PCCA: variants seen among roughly 807,000 people sequenced by gnomAD.
The protein encoded by PCCA is propionyl-CoA carboxylase subunit alpha, also known as propionyl-CoA carboxylase alpha chain, mitochondrial.
PCCA carries 74 observed loss-of-function variants against 101.3 expected under a neutral mutation model. That is an observed-to-expected ratio of 0.73 (90% CI 0.61 to 0.89). PCCA has a LOEUF of 0.89. Ranked by LOEUF, PCCA falls within the 40% of genes least tolerant of loss-of-function variation. The probability of loss-of-function intolerance (pLI) is 0.00; values close to 1 mark genes in which losing one functional copy is unlikely to be tolerated. For synonymous variants in PCCA, 294 were observed against 313.6 expected (o/e 0.94, Z 0.66); for missense variants, 891 against 907.0 (o/e 0.98, Z 0.23).
intron 4 of PCCA, among the ~76,000 whole-genome samples, chr13:100,122,449 C>T (rs1226597204): frequency 6.6e-6 from 1 of 152,080 alleles, no homozygotes; most frequent in Non-Finnish European, 1.5e-5. Flanking sequence ...CCAGTGAAGC[C>T]ATCTGAATCT....
intron 19 of PCCA, among the ~76,000 whole-genome samples, chr13:100,421,128 AC>A: frequency 6.6e-6 from 1 of 152,004 alleles, no homozygotes; most frequent in East Asian, 1.9e-4. Context: ...AATCGCTTGA[AC>A]CCGGGAGGTG....
chr13:100,280,665 G>A (rs541426301), intron 12 of PCCA, among the ~76,000 whole-genome samples: 2 of 152,168 alleles, frequency 1.3e-5, no homozygotes, highest in African/African-American at 4.8e-5. Context: ...GTGTATTCTA[G>A]TAGTCCCCCT....
intron 19 of PCCA, among the ~76,000 whole-genome samples, chr13:100,409,027 C>A: frequency 6.6e-6 from 1 of 152,140 alleles, no homozygotes; most frequent in East Asian, 1.9e-4. Context: ...TCCAGTGGCT[C>A]GTGGCAGAAA....
At chr13:100,255,472 G>A (rs2062017018) in intron 8 of PCCA, among the ~76,000 whole-genome samples, 1 of 152,126 alleles carries the variant, frequency 6.6e-6, no homozygotes, top group Non-Finnish European at 1.5e-5. Context: ...TTTCCTAATC[G>A]TCAGAGGGAA....
intron 19 of PCCA, among the ~76,000 whole-genome samples, chr13:100,416,458 A>T (rs2078368349): frequency 6.6e-6 from 1 of 151,962 alleles, no homozygotes; most frequent in Non-Finnish European, 1.5e-5. Flanking sequence ...CTGGGATTAG[A>T]GGCGTGAGCC....
At chr13:100,104,237 T>C (rs568228002) in intron 2 of PCCA, among the ~76,000 whole-genome samples, 35 of 152,318 alleles carry the variant, frequency 2.3e-4, no homozygotes, top group Non-Finnish European at 4.9e-4. Flanking sequence ...AATACTGCTT[T>C]CCAGATTCTT....
intron 20 of PCCA, among the ~76,000 whole-genome samples, chr13:100,441,989 C>A (rs371168248): frequency 7.8e-6 from 1 of 128,528 alleles, no homozygotes; most frequent in Non-Finnish European, 1.7e-5. Context: ...TTCCTTTTTT[C>A]TTTTTTTTTT....
At chr13:100,182,022 C>G (rs2056834865) in intron 6 of PCCA, among the ~76,000 whole-genome samples, 2 of 150,548 alleles carry the variant, frequency 1.3e-5, no homozygotes, top group South Asian at 2.1e-4. Flanking sequence ...TGTCTTGATT[C>G]CTTCTATAAC....
intron 18 of PCCA, among the ~76,000 whole-genome samples, chr13:100,353,811 C>T (rs894578522): frequency 9.2e-5 from 14 of 151,746 alleles, no homozygotes; most frequent in Admixed American, 2.6e-4. Context: ...GAATATGCTG[C>T]GCATGGTGGC....
chr13:100,420,180 T>C (rs1159560638), intron 19 of PCCA, among the ~76,000 whole-genome samples: 1 of 152,250 alleles, frequency 6.6e-6, no homozygotes, highest in Non-Finnish European at 1.5e-5. Flanking sequence ...TTAGCTTTTA[T>C]TGTCAATTAA....
At position 100,273,268 on chromosome 13, in the gene PCCA, T is replaced by C. The variant is rs778986379; in HGVS notation, c.987T>C (p.Tyr329=). ...QAVALARAVK[Y]SSAGTVEFLV... ...TAGCTCTTGCCAGAGCAGTAAAATA[T>C]TCCTCTGCTGGGACCGTGGAGTTCC... The change falls in exon 12 of 24, where the codon TAT becomes TAC. Residue 329 remains tyrosine (Y), a synonymous_variant. Coordinates refer to ENST00000376285, the MANE Select transcript of PCCA (RefSeq NM_000282.4). 1.9e-6 allele frequency: 3 copies of C among 1,612,332 alleles called. No individual in the cohort carries two copies. Among genetic ancestry groups the C allele is most frequent in the Non-Finnish European group, 2.5e-6 (3 of 1,178,376 alleles).
intron 17 of PCCA, among the ~76,000 whole-genome samples, chr13:100,335,597 C>T (rs930462827): frequency 3.3e-5 from 5 of 152,148 alleles, no homozygotes; most frequent in South Asian, 2.1e-4. Context: ...CAGAGTAAGG[C>T]GACTCTCTTT....
intron 14 of PCCA, 22 bp from the exon 15 acceptor site, chr13:100,307,170 T>C (rs1172968876): frequency 6.3e-7 from 1 of 1,578,774 alleles, no homozygotes; most frequent in Admixed American, 1.7e-5. Context: ...ATTACTTTTC[T>C]TTTTTTCTTT....
intron 6 of PCCA, among the ~76,000 whole-genome samples, chr13:100,207,597 G>T (rs1566707734): frequency 6.6e-6 from 1 of 152,054 alleles, no homozygotes; most frequent in East Asian, 2.0e-4. Flanking sequence ...GGTCAGGATG[G>T]TCTCGATCTC....
chr13:100,164,401 TAGC>T (rs1247621302), intron 6 of PCCA, among the ~76,000 whole-genome samples: 1 of 152,208 alleles, frequency 6.6e-6, no homozygotes, highest in Non-Finnish European at 1.5e-5. Context: ...CTTAGAGTGA[TAGC>T]AGGTTGTTTC....
chr13:100,163,879 C>G lies in PCCA; in HGVS notation c.468+6539C>G, dbSNP rs117720782. Among the ~76,000 whole-genome samples, 1,195 of 151,800 alleles carry G rather than the reference C, an allele frequency of 7.9e-3. 10 individuals carry two copies. Among genetic ancestry groups the G allele is most frequent in the South Asian group, 0.014 (68 of 4,796 alleles). On this transcript the variant is annotated intron_variant, in intron 6 of 23. Coordinates refer to ENST00000376285, the MANE Select transcript of PCCA (RefSeq NM_000282.4). ...TTCCATTAAAATTTATCTATTGGAT[C>G]TATCTATTTTTCAGTGTTTTTTCTA... is the stretch of plus-strand genomic sequence containing the variant.
intron 7 of PCCA, among the ~76,000 whole-genome samples, chr13:100,224,349 G>A (rs1369229405): frequency 2.0e-5 from 3 of 152,250 alleles, no homozygotes. Flanking sequence ...TCCGAGTGCG[G>A]GGCCTGCCAA....
intron 15 of PCCA, 83 bp downstream of exon 15, chr13:100,307,343 G>T: frequency 1.1e-6 from 1 of 922,594 alleles, no homozygotes; most frequent in African/African-American, 1.6e-5. Context: ...GCCTTTATCT[G>T]AATCATAAGC....
intron 21 of PCCA, among the ~76,000 whole-genome samples, chr13:100,451,743 C>G (rs1477280725): frequency 1.0e-5 from 1 of 97,202 alleles, no homozygotes; most frequent in African/African-American, 4.5e-5. Context: ...TCTCTCTTCT[C>G]TCCTTCCTCT....
Sources: allele counts gnomAD v4.1 joint callset (sites outside exome capture counted in the v4.1 genomes callset), GRCh38; gene constraint gnomAD v4.1.1; transcripts MANE v1.5; gene names NCBI Gene and HGNC (gene_info 2026-07-23, HGNC 2026-07-21).